RHO: variants seen among roughly 807,000 people sequenced by gnomAD.
The protein encoded by RHO is opsin 2, rod pigment.
In RHO, 21 loss-of-function variants were observed where a neutral mutation model predicts 31.2. The ratio of observed to expected loss-of-function variants is 0.67; its 90% CI spans 0.48 to 0.97. The LOEUF (loss-of-function observed/expected upper bound fraction) is 0.97. Among genes scored for constraint, RHO ranks in the 50% least tolerant of loss-of-function variants. RHO has a pLI of 0.00. For synonymous variants in RHO, 211 were observed against 196.6 expected, an observed-to-expected ratio of 1.07 and a Z score of -0.61; for missense variants, 414 against 479.5, an observed-to-expected ratio of 0.86 and a Z score of 1.28.
At chr3:129,533,568 T>C (rs781539793) in intron 4 of RHO, 40 bp from the exon 5 acceptor site, 3 of 1,461,908 alleles carry the variant, frequency 2.1e-6, no homozygotes, top group Non-Finnish European at 2.9e-6. Context: ...AAGCACACTG[T>C]GGGCAGCCCT....
rs1464857862 is a variant in RHO at position 129,532,518 on chromosome 3, T to A, written c.697-15T>A. ...GGAGGAGCCATGGTCTGGACCCGGG[T>A]CCCGTGTCCTGCAGGCCGCTGCCCA... On this transcript the variant is annotated splice_polypyrimidine_tract_variant and intron_variant, in intron 3 of 4. Coordinates refer to ENST00000296271, the MANE Select transcript of RHO (RefSeq NM_000539.3). The surrounding 1 kb of genome is among the most constrained non-coding windows in gnomAD (Gnocchi z 5.5). 1 of 1,613,688 alleles carries A rather than the reference T, an allele frequency of 6.2e-7. No individual in the cohort carries two copies. The highest frequency in any genetic ancestry group is 1.7e-5 in the Admixed American group (1 of 59,982).
chr3:129,531,436 G>T (rs6803468), intron 2 of RHO, among the ~76,000 whole-genome samples: 15,197 of 152,208 alleles, frequency 0.1, 1,112 homozygotes, highest in African/African-American at 0.2. Context: ...TGGCCCCTTG[G>T]AACTGGGTCC....
chr3:129,531,696 T>C (rs2084781047), intron 2 of RHO, among the ~76,000 whole-genome samples: 1 of 152,224 alleles, frequency 6.6e-6, no homozygotes, highest in Non-Finnish European at 1.5e-5. Flanking sequence ...TTCTATCCTC[T>C]GGAAGCAGAG....
Position 129,529,012 on chromosome 3 carries a change from C to T in RHO, c.279C>T (p.Ser93=), listed in dbSNP as rs773808406. Residue 93 remains serine, a synonymous_variant, in exon 1 of 5, where the codon AGC becomes AGT. Transcript: ENST00000296271. ...TCATGGTCCTAGGTGGCTTCACCAG[C>T]ACCCTCTACACCTCTCTGCATGGAT... The part of the protein sequence containing the change: ...DLFMVLGGFT[S]TLYTSLHGYF... 5 of 1,614,222 alleles carry T rather than the reference C, an allele frequency of 3.1e-6. No individual in the cohort carries two copies. Among genetic ancestry groups the T allele is most frequent in the South Asian group, 2.2e-5 (2 of 91,088 alleles).
At position 129,532,122 on chromosome 3, in the gene RHO, A is replaced by G. The variant is rs780785077; in HGVS notation, c.531-129A>G. 6.3e-5 allele frequency: 45 copies of G among 716,714 alleles called. No individual in the cohort carries two copies. Among genetic ancestry groups the G allele is most frequent in the Non-Finnish European group, 1.7e-5 (7 of 400,996 alleles). 44.4% of individuals were successfully genotyped at this position (716,714 alleles called of 1,614,324 possible). On this transcript the variant is annotated intron_variant, in intron 2 of 4. Transcript: ENST00000296271. The surrounding 1 kb of genome is among the most constrained non-coding windows in gnomAD (Gnocchi z 5.5). ...ATCCATTCCATCCTGTCACCCAGCC[A>G]TGCAGACGTTTATGATCCCCTTTTC... is the stretch of plus-strand genomic sequence containing the variant.
Position 129,531,009 on chromosome 3 carries a change from G to T in RHO, c.495G>T (p.Leu165=), listed in dbSNP as rs777283396. 3.1e-6 allele frequency: 5 copies of T among 1,614,084 alleles called. No individual in the cohort carries two copies. The Admixed American group carries it at 8.3e-5, about 27-fold the overall frequency. Residue 165 remains leucine, a synonymous_variant, in exon 2 of 5, where the codon CTG becomes CTT. Transcript: ENST00000296271. ...TTGCCTTCACCTGGGTCATGGCGCT[G>T]GCCTGCGCCGCACCCCCACTCGCCG... ...MGVAFTWVMA[L]ACAAPPLAGW...
Position 129,532,474 on chromosome 3 carries a change from T to C in RHO, c.696+58T>C. 1.9e-6 allele frequency: 3 copies of C among 1,613,772 alleles called. No individual in the cohort carries two copies. The highest frequency in any genetic ancestry group is 2.5e-6 in the Non-Finnish European group (3 of 1,179,990). ...CTGAGGGTCCAGCCCCCAGCATGCA[T>C]CTGCGGCTCCTGCTCCCTGGAGGAG... is the stretch of plus-strand genomic sequence containing the variant. On this transcript the variant is annotated intron_variant, in intron 3 of 4. Transcript: ENST00000296271. The surrounding 1 kb of genome is among the most constrained non-coding windows in gnomAD (Gnocchi z 5.5).
In RHO at chr3:129,532,080, A is replaced by T. The variant is rs1354066220; in HGVS notation, c.531-171A>T. Among the ~76,000 whole-genome samples the T allele has an allele frequency of 2.0e-5, 3 of 152,152 alleles. No individual in the cohort carries two copies. The highest frequency in any genetic ancestry group is 7.2e-5 in the African/African-American group (3 of 41,430). On this transcript the variant is annotated intron_variant, in intron 2 of 4. Coordinates refer to ENST00000296271, the MANE Select transcript of RHO (RefSeq NM_000539.3). The surrounding 1 kb of genome is among the most constrained non-coding windows in gnomAD (Gnocchi z 5.5). ...AAGCGACACTGATTCCACAAGGTGC[A>T]TCTGCATCCCCATCTGATCCATTCC...
intron 2 of RHO, 119 bp downstream of exon 2, chr3:129,531,163 A>C (rs2084777728): frequency 8.5e-7 from 1 of 1,177,350 alleles, no homozygotes; most frequent in African/African-American, 1.5e-5. Context: ...TCCTGGCCCA[A>C]ATGCCCACTC....
At position 129,528,865 on chromosome 3, in the gene RHO, G is replaced by T. The variant is rs1289938976; in HGVS notation, c.132G>T (p.Met44Ile). Residue 44 changes from methionine (M) to isoleucine (I), a missense_variant, in exon 1 of 5, where the codon ATG becomes ATT. Met to Ile is a conservative substitution (Grantham distance 10). Transcript: ENST00000296271. ...PWQFSMLAAY[M>I]FLLIVLGFPI... ...AGTTCTCCATGCTGGCCGCCTACATGTTTCTGCTGATCGTGCTGGGCTTCC... is the reference window on the plus strand; with the variant it reads ...AGTTCTCCATGCTGGCCGCCTACATTTTTCTGCTGATCGTGCTGGGCTTCC... The T allele has an allele frequency of 1.2e-6, 2 of 1,614,120 alleles. No homozygotes were observed. Among genetic ancestry groups the T allele is most frequent in the Non-Finnish European group, 1.7e-6 (2 of 1,180,060 alleles).
rs937332103 is a variant in RHO at position 129,532,831 on chromosome 3, G to A, written c.936+59G>A. ...CAGGCCACAGGCGCTGCCTGCCAAG[G>A]ACAAGCTACTTCCCAGGGCAGGGGA... On this transcript the variant is annotated intron_variant, in intron 4 of 4. Coordinates refer to ENST00000296271, the MANE Select transcript of RHO (RefSeq NM_000539.3). This position sits in a 1 kb window ranked among gnomAD's most constrained non-coding sequence, Gnocchi z 5.5. 1 of 1,608,586 alleles carries A rather than the reference G, an allele frequency of 6.2e-7. No individual in the cohort carries two copies. Among genetic ancestry groups the A allele is most frequent in the Non-Finnish European group, 8.5e-7 (1 of 1,179,120 alleles).
rs2084788889 is a variant in RHO, at chr3:129,532,572, G to T, written c.736G>T (p.Ala246Ser). 3 of 1,614,040 alleles carry T rather than the reference G, an allele frequency of 1.9e-6. No homozygotes were observed. The Admixed American group carries it at 5.0e-5, about 27-fold the overall frequency. The change falls in exon 4 of 5, where the codon GCA becomes TCA. Residue 246 changes from alanine (A) to serine (S), a missense_variant. Coordinates refer to ENST00000296271, the MANE Select transcript of RHO (RefSeq NM_000539.3). The surrounding 1 kb of genome is among the most constrained non-coding windows in gnomAD (Gnocchi z 5.5). The part of the protein sequence containing the change: ...QQQESATTQK[A>S]EKEVTRMVII... ...GCAGGAGTCAGCCACCACACAGAAG[G>T]CAGAGAAGGAGGTCACCCGCATGGT...
At chr3:129,529,929 T>A (rs551679853) in intron 1 of RHO, among the ~76,000 whole-genome samples, 10 of 152,104 alleles carry the variant, frequency 6.6e-5, no homozygotes, top group Admixed American at 2.0e-4. Context: ...TCCAGGAATA[T>A]CTCTGCTGAG....
At chr3:129,530,180 G>A (rs73863103) in intron 1 of RHO, among the ~76,000 whole-genome samples, 6,205 of 152,272 alleles carry the variant, frequency 0.041, 418 homozygotes, top group African/African-American at 0.14. Context: ...GTTCTCTGCA[G>A]GGTCAGTCCC....
chr3:129,530,368 G>A (rs992298293), intron 1 of RHO, among the ~76,000 whole-genome samples: 2 of 152,032 alleles, frequency 1.3e-5, no homozygotes, highest in Non-Finnish European at 2.9e-5. Context: ...GCTCCTAGGA[G>A]AGGCCCCCAC....
Position 129,530,858 on chromosome 3 carries a change from C to T in RHO, c.362-18C>T. On this transcript the variant is annotated intron_variant, in intron 1 of 4. Transcript: ENST00000296271. The stretch of plus-strand genomic sequence containing the variant: ...AGGCAGTGGGGTCTGTGCTGACCGC[C>T]TGCTGACTGCCTTGCAGGTGAAATT... 6.2e-7 allele frequency: 1 copy of T among 1,614,234 alleles called. No individual in the cohort carries two copies. Among genetic ancestry groups the T allele is most frequent in the Admixed American group, 1.7e-5 (1 of 60,030 alleles).
Position 129,530,939 on chromosome 3 carries a change from C to T in RHO, c.425C>T (p.Pro142Leu). The change falls in exon 2 of 5, where the codon CCC becomes CTC. Residue 142 changes from proline to leucine, a missense_variant. Coordinates refer to ENST00000296271, the MANE Select transcript of RHO (RefSeq NM_000539.3). ...GAGCGGTACGTGGTGGTGTGTAAGC[C>T]CATGAGCAACTTCCGCTTCGGGGAG... The part of the protein sequence containing the change: ...AIERYVVVCK[P>L]MSNFRFGENH... 6.2e-7 allele frequency: 1 copy of T among 1,614,264 alleles called. No homozygotes were observed. Among genetic ancestry groups the T allele is most frequent in the Non-Finnish European group, 8.5e-7 (1 of 1,180,050 alleles).
chr3:129,533,654 T>C lies in RHO; in HGVS notation c.983T>C (p.Leu328Pro), dbSNP rs368995053. Reference sequence around the variant, plus strand: ...ACCATCTGCTGCGGCAAGAACCCACTGGGTGACGATGAGGCCTCTGCTACC... The same window carrying C: ...ACCATCTGCTGCGGCAAGAACCCACCGGGTGACGATGAGGCCTCTGCTACC... ...LTTICCGKNP[L>P]GDDEASATVS... is the part of the protein sequence containing the mutation. The change falls in exon 5 of 5, where the codon CTG (leucine) becomes CCG (proline). Residue 328 changes from leucine to proline, a missense_variant. Transcript: ENST00000296271. 5.7e-5 allele frequency: 92 copies of C among 1,613,914 alleles called. No homozygotes were observed. The highest frequency in any genetic ancestry group is 7.7e-5 in the Non-Finnish European group (91 of 1,179,990).
intron 1 of RHO, among the ~76,000 whole-genome samples, chr3:129,529,449 T>C (rs781460558): frequency 3.9e-5 from 6 of 152,192 alleles, no homozygotes; most frequent in East Asian, 1.9e-4. Context: ...TCTCGGGCCA[T>C]GTTTGCAGCA....
Sources: gnomAD v4.1 joint callset for allele counts (sites outside exome capture counted in the v4.1 genomes callset) on GRCh38, gnomAD v4.1.1 for gene constraint, Gnocchi (gnomAD v3.1) non-coding constraint, MANE v1.5 for transcripts, NCBI Gene and HGNC (gene_info 2026-07-23, HGNC 2026-07-21) for gene names.